CDIPT: variants seen among roughly 807,000 people sequenced by gnomAD.
CDIPT encodes the protein CDP-diacylglycerol--inositol 3-phosphatidyltransferase.
A neutral mutation model predicts 21.6 loss-of-function variants in CDIPT; 17 were observed. The observed-to-expected ratio is 0.79, with a 90% CI of 0.54 to 1.18. The LOEUF is 1.18. Among genes scored for constraint, CDIPT ranks in the 50% most tolerant of loss-of-function variants. CDIPT has a pLI of 0.00. For synonymous variants in CDIPT, 119 were observed against 117.9 expected, an observed-to-expected ratio of 1.01 and a Z score of -0.06; for missense variants, 254 against 284.9, an observed-to-expected ratio of 0.89 and a Z score of 0.78.
At position 29,863,027 on chromosome 16, in the gene CDIPT, T is replaced by C. The variant is rs547388463; in HGVS notation, c.-170A>G. The C allele has an allele frequency of 5.3e-5, 42 of 786,716 alleles. 1 individual carries two copies. The East Asian group carries it at 1.1e-3, about 21-fold the overall frequency. 48.7% of individuals were successfully genotyped at this position (786,716 alleles called of 1,614,324 possible). Reference sequence around the variant, plus strand: ...CTGAAGCCCGCAGCCGTCGGGAGCATGGACCGGCCCCGAGGTGCGCGGGAC... The same window carrying C: ...CTGAAGCCCGCAGCCGTCGGGAGCACGGACCGGCCCCGAGGTGCGCGGGAC... On this transcript the variant is annotated 5_prime_UTR_variant, in exon 1 of 6. The change abolishes an upstream ATG in the 5' untranslated region. Coordinates refer to ENST00000219789, the MANE Select transcript of CDIPT (RefSeq NM_006319.5).
At position 29,860,722 on chromosome 16, in the gene CDIPT, T is replaced by C; in HGVS notation, c.333-60A>G. On this transcript the variant is annotated intron_variant, in intron 3 of 5. Coordinates refer to ENST00000219789, the MANE Select transcript of CDIPT (RefSeq NM_006319.5). ...ATGACCACTACCATGCATCCAATCCTCATGTTAACACCTATTGTACAGATG... is the reference window on the plus strand; with the variant it reads ...ATGACCACTACCATGCATCCAATCCCCATGTTAACACCTATTGTACAGATG... The C allele has an allele frequency of 4.3e-6, 4 of 936,952 alleles. No homozygotes were observed. In the South Asian group the frequency reaches 5.4e-5, roughly 13 times the overall value. 58.0% of individuals were successfully genotyped at this position (936,952 alleles called of 1,614,324 possible). A position where few individuals can be genotyped will look rare whatever the true frequency, so the allele number is the denominator to read the frequency against.
Position 29,858,968 on chromosome 16 carries a change from G to T in CDIPT, c.*221C>A, listed in dbSNP as rs1364307764. ...TCCCGGCACCCCAGGAGCACCGCCTGGATGGAGGGGGCCTCCCGCGTATCC... is the reference window on the plus strand; with the variant it reads ...TCCCGGCACCCCAGGAGCACCGCCTTGATGGAGGGGGCCTCCCGCGTATCC... On this transcript the variant is annotated 3_prime_UTR_variant, in exon 6 of 6. Transcript: ENST00000219789. 4 of 592,322 alleles carry T rather than the reference G, an allele frequency of 6.8e-6. No individual in the cohort carries two copies. The highest frequency in any genetic ancestry group is 1.2e-5 in the Non-Finnish European group (4 of 336,254). 36.7% of individuals were successfully genotyped at this position (592,322 alleles called of 1,614,324 possible). A position where few individuals can be genotyped will look rare whatever the true frequency, so the allele number is the denominator to read the frequency against.
chr16:29,862,943 G>C lies in CDIPT; in HGVS notation c.-86C>G. On this transcript the variant is annotated 5_prime_UTR_variant, in exon 1 of 6. Transcript: ENST00000219789. The surrounding 1 kb of genome is among the most constrained non-coding windows in gnomAD (Gnocchi z 6.7). ...GCAGCGCGGCCTCAGCCTCCGGCCC[G>C]GCGCATCGGCCGCACCACCTGCGCC... The C allele has an allele frequency of 6.7e-7, 1 of 1,501,986 alleles. No individual in the cohort carries two copies. Among genetic ancestry groups the C allele is most frequent in the Admixed American group, 1.7e-5 (1 of 59,452 alleles). The allele number at this position is 1,501,986 out of a possible 1,614,324, so 93.0% of individuals were successfully genotyped here. A position where few individuals can be genotyped will look rare whatever the true frequency, so the allele number is the denominator to read the frequency against.
In CDIPT at chr16:29,858,780, G is replaced by C. The variant is rs2067653901; in HGVS notation, c.*409C>G. 4 of 191,670 alleles carry C rather than the reference G, an allele frequency of 2.1e-5. No individual in the cohort carries two copies. The highest frequency in any genetic ancestry group is 4.4e-5 in the Non-Finnish European group (4 of 91,158). The allele number at this position is 191,670 out of a possible 1,614,324, so 11.9% of individuals were successfully genotyped here. Reference sequence around the variant, plus strand: ...CCGGTGACAGGGAAGGCTGTGGATGGCTTCTTCCCTCCTGGGCATGGTGCC... The same window carrying C: ...CCGGTGACAGGGAAGGCTGTGGATGCCTTCTTCCCTCCTGGGCATGGTGCC... On this transcript the variant is annotated 3_prime_UTR_variant, in exon 6 of 6. Coordinates refer to ENST00000219789, the MANE Select transcript of CDIPT (RefSeq NM_006319.5).
In CDIPT at chr16:29,860,600, C is replaced by A. The variant is rs753162397; in HGVS notation, c.395G>T (p.Arg132Leu). The A allele has an allele frequency of 6.2e-7, 1 of 1,611,404 alleles. No individual in the cohort carries two copies. Among genetic ancestry groups the A allele is most frequent in the Non-Finnish European group, 8.5e-7 (1 of 1,177,770 alleles). ...GCTTACCCTCGAGGTGTAGTAGATC[C>A]GAAGCACCGGATTCCCGGACAAGTC... ...MIDLSGNPVL[R>L]IYYTSRPALF... Residue 132 changes from arginine (R) to leucine (L), a missense_variant, in exon 4 of 6, where the codon CGG becomes CTG. Physicochemically the swap from Arg to Leu is moderately radical, Grantham distance 102 (BLOSUM62 -2). Transcript: ENST00000219789.
Position 29,861,048 on chromosome 16 carries a change from T to C in CDIPT, c.332+58A>G, listed in dbSNP as rs527618975. The stretch of plus-strand genomic sequence containing the variant: ...ATCCCAGACACCCTTCCGTCTAGGC[T>C]CAGCCCACCCCACTGTAATGTCTCC... On this transcript the variant is annotated intron_variant, in intron 3 of 5. Transcript: ENST00000219789. The C allele has an allele frequency of 1.0e-5, 16 of 1,580,118 alleles. No individual in the cohort carries two copies. The South Asian group carries it at 1.6e-4, about 15-fold the overall frequency.
At position 29,860,680 on chromosome 16, in the gene CDIPT, G is replaced by T. The variant is rs764585113; in HGVS notation, c.333-18C>A. 2 of 1,526,242 alleles carry T rather than the reference G, an allele frequency of 1.3e-6. No individual in the cohort carries two copies. Among genetic ancestry groups the T allele is most frequent in the Non-Finnish European group, 1.8e-6 (2 of 1,102,420 alleles). The allele number at this position is 1,526,242 out of a possible 1,614,324, so 94.5% of individuals were successfully genotyped here. A position where few individuals can be genotyped will look rare whatever the true frequency, so the allele number is the denominator to read the frequency against. ...CCACAGAACTTGGGGAGAAAACAGG[G>T]GAACCCACAAGGTTTCATGACCACT... On this transcript the variant is annotated intron_variant, in intron 3 of 5. Transcript: ENST00000219789.
In CDIPT at chr16:29,862,710, C is replaced by A. The variant is rs752280057; in HGVS notation, c.54G>T (p.Arg18=). ...AGAAAGAAATGATGGCGAAGACAAT[C>A]CGGGCATAACCTTGGAACGGGACGC... ...LFVPNLIGYA[R]IVFAIISFYF... Residue 18 remains arginine (R), a synonymous_variant, in exon 2 of 6, where the codon CGG becomes CGT. Coordinates refer to ENST00000219789, the MANE Select transcript of CDIPT (RefSeq NM_006319.5). This position sits in a 1 kb window ranked among gnomAD's most constrained non-coding sequence, Gnocchi z 6.7. The A allele has an allele frequency of 2.5e-6, 4 of 1,614,044 alleles. No individual in the cohort carries two copies. The highest frequency in any genetic ancestry group is 3.4e-6 in the Non-Finnish European group (4 of 1,179,936).
chr16:29,860,044 C>T (rs138682692), intron 4 of CDIPT, among the ~76,000 whole-genome samples: 39 of 152,176 alleles, frequency 2.6e-4, no homozygotes, highest in South Asian at 1.2e-3. Flanking sequence ...CTTGGTCTCA[C>T]GCAATCCTTC....
At chr16:29,860,746 T>C in intron 3 of CDIPT, 84 bp from the exon 4 acceptor site, 3 of 813,124 alleles carry the variant, frequency 3.7e-6, no homozygotes, top group Non-Finnish European at 6.4e-6. Context: ...ATTGTACAGA[T>C]GGAAAACTGG....
rs368355579 is a variant in CDIPT, at chr16:29,860,703, A to G, written c.333-41T>C. On this transcript the variant is annotated intron_variant, in intron 3 of 5. Coordinates refer to ENST00000219789, the MANE Select transcript of CDIPT (RefSeq NM_006319.5). ...GGGGAACCCACAAGGTTTCATGACC[A>G]CTACCATGCATCCAATCCTCATGTT... is the stretch of plus-strand genomic sequence containing the variant. The G allele has an allele frequency of 4.9e-4, 557 of 1,126,116 alleles. 2 individuals are homozygous for G. The highest frequency in any genetic ancestry group is 1.5e-4 in the African/African-American group (10 of 65,700). The allele number at this position is 1,126,116 out of a possible 1,614,324, so 69.8% of individuals were successfully genotyped here.
Position 29,863,214 on chromosome 16 carries a change from G to A in CDIPT, c.-357C>T, listed in dbSNP as rs1319266682. ...CCCGTCGTTGCAAAATTGGAGAGAG[G>A]AAAAAGTGGCTTAAAAAAATAGTTG... is the stretch of plus-strand genomic sequence containing the variant. On this transcript the variant is annotated 5_prime_UTR_variant, in exon 1 of 6. Coordinates refer to ENST00000219789, the MANE Select transcript of CDIPT (RefSeq NM_006319.5). The A allele has an allele frequency of 2.9e-5, 10 of 345,406 alleles. No individual in the cohort carries two copies. Among genetic ancestry groups the A allele is most frequent in the South Asian group, 1.4e-4 (5 of 35,214 alleles). The allele number at this position is 345,406 out of a possible 1,614,324, so 21.4% of individuals were successfully genotyped here.
At position 29,859,261 on chromosome 16, in the gene CDIPT, G is replaced by A. The variant is rs1421165690; in HGVS notation, c.570C>T (p.Ser190=). 8.8e-6 allele frequency: 14 copies of A among 1,588,316 alleles called. No homozygotes were observed. The highest frequency in any genetic ancestry group is 1.8e-5 in the Admixed American group (1 of 55,180). The change falls in exon 6 of 6, where the codon AGC becomes AGT. Residue 190 remains serine (S), a synonymous_variant. Transcript: ENST00000219789. The surrounding 1 kb of genome is among the most constrained non-coding windows in gnomAD (Gnocchi z 4.5). ...APIALLKSLI[S]VIHLITAARN... ...GGGCGGCCGTGATCAGGTGGATGAC[G>A]CTGATGAGCGACTTCAGCAAGGCGA...
chr16:29,861,019 T>C, intron 3 of CDIPT, 87 bp downstream of exon 3: 1 of 1,365,168 alleles, frequency 7.3e-7, no homozygotes, highest in Non-Finnish European at 1.0e-6. Context: ...GGATGCCTAG[T>C]GCCATCCCAG....
chr16:29,861,326 T>G, intron 2 of CDIPT, 67 bp from the exon 3 acceptor site: 1 of 1,599,852 alleles, frequency 6.3e-7, no homozygotes, highest in Non-Finnish European at 8.5e-7. Flanking sequence ...CATATTTGGT[T>G]TATCACTCTG....
rs768190538 is a variant in CDIPT, at chr16:29,862,990, T to C, written c.-133A>G. 1.7e-5 allele frequency: 17 copies of C among 1,017,530 alleles called. No individual in the cohort carries two copies. The African/African-American group carries it at 2.2e-4, about 13-fold the overall frequency. 63.0% of individuals were successfully genotyped at this position (1,017,530 alleles called of 1,614,324 possible). A position where few individuals can be genotyped will look rare whatever the true frequency, so the allele number is the denominator to read the frequency against. On this transcript the variant is annotated 5_prime_UTR_variant, in exon 1 of 6. Coordinates refer to ENST00000219789, the MANE Select transcript of CDIPT (RefSeq NM_006319.5). The surrounding 1 kb of genome is among the most constrained non-coding windows in gnomAD (Gnocchi z 6.7). ...CGCCCTGGACCCCGCCGCCCCAACC[T>C]GGCCCCAGATGCTGAAGCCCGCAGC...
intron 2 of CDIPT, 158 bp from the exon 3 acceptor site, chr16:29,861,417 C>G: frequency 6.5e-7 from 1 of 1,542,724 alleles, no homozygotes. Context: ...TGTGTGAGGT[C>G]AGTGGGCAAA....
rs1267841365 is a variant in CDIPT at position 29,862,940 on chromosome 16, C to T, written c.-83G>A. Reference sequence around the variant, plus strand: ...CCCGCAGCGCGGCCTCAGCCTCCGGCCCGGCGCATCGGCCGCACCACCTGC... The same window carrying T: ...CCCGCAGCGCGGCCTCAGCCTCCGGTCCGGCGCATCGGCCGCACCACCTGC... On this transcript the variant is annotated 5_prime_UTR_variant, in exon 1 of 6. Coordinates refer to ENST00000219789, the MANE Select transcript of CDIPT (RefSeq NM_006319.5). This position sits in a 1 kb window ranked among gnomAD's most constrained non-coding sequence, Gnocchi z 6.7. The T allele has an allele frequency of 1.3e-5, 20 of 1,521,962 alleles. No individual in the cohort carries two copies. Among genetic ancestry groups the T allele is most frequent in the Non-Finnish European group, 1.8e-5 (20 of 1,099,896 alleles). The allele number at this position is 1,521,962 out of a possible 1,614,324, so 94.3% of individuals were successfully genotyped here. A position where few individuals can be genotyped will look rare whatever the true frequency, so the allele number is the denominator to read the frequency against.
rs932868945 is a variant in CDIPT, at chr16:29,862,356, G to A, written c.178+230C>T. 3.9e-5 allele frequency among the ~76,000 whole-genome samples: 6 copies of A among 152,082 alleles called. No individual in the cohort carries two copies. Among genetic ancestry groups the A allele is most frequent in the Non-Finnish European group, 7.4e-5 (5 of 67,996 alleles). On this transcript the variant is annotated intron_variant, in intron 2 of 5. Transcript: ENST00000219789. The surrounding 1 kb of genome is among the most constrained non-coding windows in gnomAD (Gnocchi z 6.7). Reference sequence around the variant, plus strand: ...AGGATTACTTGAGCCCAGAAGATGGGGGCTGCAGTGAGCCATGATCGCGCC... The same window carrying A: ...AGGATTACTTGAGCCCAGAAGATGGAGGCTGCAGTGAGCCATGATCGCGCC...
Sources: allele counts gnomAD v4.1 joint callset (sites outside exome capture counted in the v4.1 genomes callset), GRCh38; gene constraint gnomAD v4.1.1; non-coding constraint Gnocchi (gnomAD v3.1); transcripts MANE v1.5; gene names NCBI Gene and HGNC (gene_info 2026-07-23, HGNC 2026-07-21).